IL6R: variants seen among roughly 807,000 people sequenced by gnomAD.
IL6R encodes the protein interleukin-6 receptor subunit alpha.
IL6R carries 38 observed loss-of-function variants against 48.3 expected under a neutral mutation model. The observed-to-expected ratio is 0.79, with a 90% CI of 0.61 to 1.03. The LOEUF is 1.03. Ranked by LOEUF, IL6R falls within the 50% of genes least tolerant of loss-of-function variation. IL6R has a pLI of 0.00. For synonymous variants in IL6R, 264 were observed against 256.2 expected (o/e 1.03, Z -0.29); for missense variants, 534 against 618.3 (o/e 0.86, Z 1.45).
intron 1 of IL6R, among the ~76,000 whole-genome samples, chr1:154,426,398 G>A: frequency 6.6e-6 from 1 of 151,876 alleles, no homozygotes; most frequent in East Asian, 1.9e-4. Context: ...GTGTGTGCCT[G>A]TAGTCCCAAC....
At chr1:154,419,735 C>T (rs73026637) in intron 1 of IL6R, among the ~76,000 whole-genome samples, 65 of 152,350 alleles carry the variant, frequency 4.3e-4, no homozygotes, top group African/African-American at 1.4e-3. Context: ...CTTGTTTTTG[C>T]TGGCAAGAGC....
At chr1:154,429,630 G>A (rs762018820) in intron 2 of IL6R, among the ~76,000 whole-genome samples, 186 bp downstream of exon 2, 13 of 152,158 alleles carry the variant, frequency 8.5e-5, no homozygotes, top group Non-Finnish European at 1.2e-4. Context: ...GAGTGGGAGC[G>A]TCTGACTGGT....
At chr1:154,421,773 C>T (rs1688677039) in intron 1 of IL6R, among the ~76,000 whole-genome samples, 1 of 152,106 alleles carries the variant, frequency 6.6e-6, no homozygotes, top group Non-Finnish European at 1.5e-5. Context: ...ACATGTGTCA[C>T]CATGCCCAGC....
chr1:154,424,683 G>A (rs988711994), intron 1 of IL6R, among the ~76,000 whole-genome samples: 1 of 152,152 alleles, frequency 6.6e-6, no homozygotes, highest in African/African-American at 2.4e-5. Flanking sequence ...ATACGTAACC[G>A]CATTCAGGCA....
chr1:154,449,813 A>G (rs930603381), intron 7 of IL6R, 98 bp from the exon 8 acceptor site: 5 of 786,366 alleles, frequency 6.4e-6, no homozygotes, highest in Non-Finnish European at 1.2e-5. Context: ...CTTTGGGTGG[A>G]TCAGGGAGGG....
At chr1:154,457,505 G>A (rs1308559281) in intron 9 of IL6R, among the ~76,000 whole-genome samples, 1 of 152,108 alleles carries the variant, frequency 6.6e-6, no homozygotes, top group Non-Finnish European at 1.5e-5. Context: ...GCCATGGTTA[G>A]GAAATACTCA....
At chr1:154,444,207 G>GT (rs1690085258) in intron 6 of IL6R, among the ~76,000 whole-genome samples, 2 of 141,180 alleles carry the variant, frequency 1.4e-5, no homozygotes, top group African/African-American at 5.3e-5. Context: ...AAAGTTGCTA[G>GT]CTTTTTTTTT....
At chr1:154,429,172 C>T in intron 1 of IL6R, 24 bp from the exon 2 acceptor site, 1 of 1,599,256 alleles carries the variant, frequency 6.3e-7, no homozygotes, top group Non-Finnish European at 8.6e-7. Context: ...TGTGGGCTCA[C>T]CAAGTGTCTT....
chr1:154,457,978 T>G (rs1288291827), intron 9 of IL6R, among the ~76,000 whole-genome samples: 2 of 149,902 alleles, frequency 1.3e-5, no homozygotes, highest in Non-Finnish European at 3.0e-5. Context: ...TTTTTTTTTT[T>G]TTTTTTGAGA....
chr1:154,461,538 C>G (rs1389206916), intron 9 of IL6R, among the ~76,000 whole-genome samples: 1 of 152,176 alleles, frequency 6.6e-6, no homozygotes, highest in Non-Finnish European at 1.5e-5. Context: ...GCACCTGACC[C>G]TATACCCGCC....
In IL6R at chr1:154,448,164, C is replaced by A. The variant is rs745567939; in HGVS notation, c.989C>A (p.Pro330His). Reference protein sequence around the residue: ...SPPAENEVSTPMQALTTNKDD... With the variant: ...SPPAENEVSTHMQALTTNKDD... Reference sequence around the variant, plus strand: ...CCAGCTGAGAACGAGGTGTCCACCCCCATGCAGGTGAGCTCCTGTTCTTGT... The same window carrying A: ...CCAGCTGAGAACGAGGTGTCCACCCACATGCAGGTGAGCTCCTGTTCTTGT... Residue 330 changes from proline to histidine, a missense_variant, in exon 7 of 10, where the codon CCC (proline) becomes CAC (histidine). Coordinates refer to ENST00000368485, the MANE Select transcript of IL6R (RefSeq NM_000565.4). 6.2e-7 allele frequency: 1 copy of A among 1,613,422 alleles called. No homozygotes were observed. Among genetic ancestry groups the A allele is most frequent in the Non-Finnish European group, 8.5e-7 (1 of 1,179,556 alleles).
At chr1:154,419,702 A>G (rs983784662) in intron 1 of IL6R, among the ~76,000 whole-genome samples, 1 of 152,192 alleles carries the variant, frequency 6.6e-6, no homozygotes, top group African/African-American at 2.4e-5. Flanking sequence ...CACCGCTTAC[A>G]TAAACGGGGC....
At chr1:154,434,722 C>G (rs1689510599) in intron 4 of IL6R, 22 bp downstream of exon 4, 1 of 1,599,906 alleles carries the variant, frequency 6.3e-7, no homozygotes, top group Non-Finnish European at 8.5e-7. Flanking sequence ...CTAACCCCCT[C>G]TCCAGCAGTT....
At chr1:154,456,143 G>C (rs985571025) in intron 9 of IL6R, among the ~76,000 whole-genome samples, 3 of 151,952 alleles carry the variant, frequency 2.0e-5, no homozygotes, top group Admixed American at 6.6e-5. Flanking sequence ...CAGGGTCTGG[G>C]CAAGAGATAA....
chr1:154,425,801 C>T (rs1001354586), intron 1 of IL6R, among the ~76,000 whole-genome samples: 27 of 150,840 alleles, frequency 1.8e-4, no homozygotes, highest in African/African-American at 4.9e-4. Context: ...AAAAAGCAGC[C>T]GGGCACAGAG....
rs78628030 is a variant in IL6R at position 154,459,981 on chromosome 1, T to G, written c.1161-5153T>G. 4.7e-4 allele frequency among the ~76,000 whole-genome samples: 72 copies of G among 152,222 alleles called. 2 individuals carry two copies. Among genetic ancestry groups the G allele is most frequent in the Admixed American group, 3.3e-3 (51 of 15,270 alleles). On this transcript the variant is annotated intron_variant, in intron 9 of 9. Coordinates refer to ENST00000368485, the MANE Select transcript of IL6R (RefSeq NM_000565.4). Reference sequence around the variant, plus strand: ...CAGCTGGGGGACGGGCAGAGGGACTTTCATGGTGTTCCGGGCCATGGAGGT... The same window carrying G: ...CAGCTGGGGGACGGGCAGAGGGACTGTCATGGTGTTCCGGGCCATGGAGGT...
chr1:154,455,949 C>A (rs999446066), intron 9 of IL6R, among the ~76,000 whole-genome samples: 1 of 151,798 alleles, frequency 6.6e-6, no homozygotes, highest in South Asian at 2.1e-4. Context: ...CCCAGCTACT[C>A]GGGAAACTGA....
chr1:154,457,698 C>T (rs933215415), intron 9 of IL6R, among the ~76,000 whole-genome samples: 3 of 152,110 alleles, frequency 2.0e-5, no homozygotes, highest in South Asian at 2.1e-4. Context: ...CTGCAGGAAC[C>T]GGCTTTTTTT....
At chr1:154,409,116 C>T (rs749077103) in intron 1 of IL6R, among the ~76,000 whole-genome samples, 1 of 152,038 alleles carries the variant, frequency 6.6e-6, no homozygotes, top group African/African-American at 2.4e-5. Context: ...CCAGTCTGGG[C>T]GACAGGAGAC....
Sources: allele counts gnomAD v4.1 joint callset (sites outside exome capture counted in the v4.1 genomes callset), GRCh38; gene constraint gnomAD v4.1.1; transcripts MANE v1.5; gene names NCBI Gene and HGNC (gene_info 2026-07-23, HGNC 2026-07-21).